Variants in HSD17B4 observed in about 807,000 individuals in gnomAD.
HSD17B4 encodes peroxisomal multifunctional enzyme type 2.
A neutral mutation model predicts 101.0 loss-of-function variants in HSD17B4; 70 were observed. The ratio of observed to expected loss-of-function variants is 0.69; its 90% CI spans 0.57 to 0.85. The LOEUF is 0.85. Ranked by LOEUF, HSD17B4 falls within the 40% of genes least tolerant of loss-of-function variation. The pLI, the probability that HSD17B4 is intolerant of heterozygous loss-of-function variation, is 0.00. For synonymous variants in HSD17B4, 347 were observed against 297.1 expected, an observed-to-expected ratio of 1.17 and a Z score of -1.73; for missense variants, 984 against 892.4, an observed-to-expected ratio of 1.10 and a Z score of -1.31.
intron 8 of HSD17B4, among the ~76,000 whole-genome samples, chr5:119,480,207 AG>A (rs1360194948): frequency 6.6e-6 from 1 of 151,962 alleles, no homozygotes; most frequent in Non-Finnish European, 1.5e-5. Context: ...TTGAATTTTA[AG>A]GGTTCTTTGT....
intron 22 of HSD17B4, 40 bp from the exon 23 acceptor site, chr5:119,536,383 G>C: frequency 1.3e-6 from 2 of 1,598,608 alleles, no homozygotes; most frequent in African/African-American, 1.3e-5. Flanking sequence ...TTTTGTTGGA[G>C]AGAAAAAGAT....
chr5:119,469,877 T>G (rs907813595), intron 2 of HSD17B4, among the ~76,000 whole-genome samples: 1 of 152,200 alleles, frequency 6.6e-6, no homozygotes, highest in Non-Finnish European at 1.5e-5. Context: ...TGTGCCTCAG[T>G]GGCCTTGACT....
rs376221095 is a variant in HSD17B4 at position 119,496,662 on chromosome 5, G to C, written c.972+16G>C. ...ATCAGGATTTGTAAGTGGGAAAAAA[G>C]CCTAAAGCGTTTGCCTTCTCTGGAG... On this transcript the variant is annotated intron_variant, in intron 12 of 23. Transcript: ENST00000510025. 7.8e-6 allele frequency: 11 copies of C among 1,419,056 alleles called. No homozygotes were observed. In the African/African-American group the frequency reaches 1.3e-4, roughly 16 times the overall value. The allele number at this position is 1,419,056 out of a possible 1,614,324, so 87.9% of individuals were successfully genotyped here.
At chr5:119,465,935 G>T (rs750148295) in intron 2 of HSD17B4, among the ~76,000 whole-genome samples, 2 of 152,144 alleles carry the variant, frequency 1.3e-5, no homozygotes, top group Non-Finnish European at 2.9e-5. Context: ...GCTGTTCCCT[G>T]TTGAGTGTGA....
chr5:119,480,534 C>T (rs1749023648), intron 8 of HSD17B4, among the ~76,000 whole-genome samples: 1 of 152,110 alleles, frequency 6.6e-6, no homozygotes, highest in Non-Finnish European at 1.5e-5. Flanking sequence ...AAGTACTTAA[C>T]AGGGTAATAG....
At chr5:119,525,152 A>C in intron 17 of HSD17B4, 64 bp from the exon 18 acceptor site, 2 of 1,100,528 alleles carry the variant, frequency 1.8e-6, no homozygotes. Flanking sequence ...CATGTTTCCT[A>C]TTTTTCATTT....
intron 18 of HSD17B4, 152 bp from the exon 19 acceptor site, chr5:119,525,765 T>A: frequency 1.7e-6 from 1 of 588,830 alleles, no homozygotes; most frequent in South Asian, 2.1e-5. Context: ...CAGGAAATAC[T>A]CTTTAAAAAA....
rs1750683999 is a variant in HSD17B4, at chr5:119,496,713, G to A, written c.972+67G>A. 4 of 848,178 alleles carry A rather than the reference G, an allele frequency of 4.7e-6. No individual in the cohort carries two copies. In the East Asian group the frequency reaches 9.7e-5, roughly 20 times the overall value. 52.5% of individuals were successfully genotyped at this position (848,178 alleles called of 1,614,324 possible). A position where few individuals can be genotyped will look rare whatever the true frequency, so the allele number is the denominator to read the frequency against. On this transcript the variant is annotated intron_variant, in intron 12 of 23. Transcript: ENST00000510025. The stretch of plus-strand genomic sequence containing the variant: ...ACTTTCCCTCCCTTCTTCCCTCCCT[G>A]CTTTCTTCCTCCCCTACTTCTTTCT...
At chr5:119,473,720 T>C (rs1748266078) in intron 2 of HSD17B4, among the ~76,000 whole-genome samples, 188 bp from the exon 3 acceptor site, 1 of 152,170 alleles carries the variant, frequency 6.6e-6, no homozygotes, top group South Asian at 2.1e-4. Flanking sequence ...ATGTCTGTAT[T>C]CAAAAATGAA....
Position 119,541,910 on chromosome 5 carries a change from C to G in HSD17B4, c.2127C>G (p.Phe709Leu), listed in dbSNP as rs541911825. The G allele has an allele frequency of 1.9e-6, 3 of 1,607,376 alleles. No homozygotes were observed. In the South Asian group the frequency reaches 3.3e-5, roughly 18 times the overall value. Residue 709 changes from phenylalanine to leucine, a missense_variant, in exon 24 of 24, where the codon TTC becomes TTG. Phe to Leu is a conservative substitution (Grantham distance 22). Transcript: ENST00000510025. ...TTTCCCTCCTCTCCTTGCAGGCATT[C>G]TTTAGTGGCAGGCTGAAGGCCAGAG... ...VLGKLDPQKAFFSGRLKARGN... is the reference protein window; with the variant it reads ...VLGKLDPQKALFSGRLKARGN...
intron 20 of HSD17B4, among the ~76,000 whole-genome samples, chr5:119,529,355 C>G (rs889933554): frequency 1.3e-5 from 2 of 152,130 alleles, no homozygotes; most frequent in African/African-American, 4.8e-5. Context: ...TACACTTCCT[C>G]TTGAAATAAG....
At chr5:119,489,161 TGATAA>T in intron 8 of HSD17B4, 26 bp from the exon 9 acceptor site, 1 of 1,352,124 alleles carries the variant, frequency 7.4e-7, no homozygotes, top group Non-Finnish European at 1.1e-6. Flanking sequence ...GTAAAATGAT[TGATAA>T]GATATGTGTA....
At chr5:119,531,128 G>T in intron 21 of HSD17B4, 138 bp from the exon 22 acceptor site, 2 of 767,314 alleles carry the variant, frequency 2.6e-6, no homozygotes, top group South Asian at 1.6e-5. Flanking sequence ...AAGAAAGTAT[G>T]AAAGACACAT....
At chr5:119,482,199 C>CT (rs1167183704) in intron 8 of HSD17B4, among the ~76,000 whole-genome samples, 41 of 152,160 alleles carry the variant, frequency 2.7e-4, no homozygotes, top group Non-Finnish European at 4.4e-4. Context: ...TTTTCTCATT[C>CT]TTTTTTTGCG....
At chr5:119,513,131 G>T (rs544708917) in intron 16 of HSD17B4, among the ~76,000 whole-genome samples, 1 of 152,154 alleles carries the variant, frequency 6.6e-6, no homozygotes, top group Non-Finnish European at 1.5e-5. Flanking sequence ...TATTATTTAC[G>T]TGAAGTTGTA....
intron 23 of HSD17B4, among the ~76,000 whole-genome samples, chr5:119,537,415 A>G (rs1473715070): frequency 6.6e-6 from 1 of 152,150 alleles, no homozygotes; most frequent in Non-Finnish European, 1.5e-5. Flanking sequence ...TATTATAAGA[A>G]CTAAACCCAA....
chr5:119,538,255 G>C (rs531880655), intron 23 of HSD17B4, among the ~76,000 whole-genome samples: 1 of 152,162 alleles, frequency 6.6e-6, no homozygotes, highest in East Asian at 1.9e-4. Flanking sequence ...CTGCCCTTCT[G>C]TATCCTTTCC....
intron 23 of HSD17B4, among the ~76,000 whole-genome samples, chr5:119,541,101 G>A (rs1754951969): frequency 6.6e-6 from 1 of 152,092 alleles, no homozygotes; most frequent in African/African-American, 2.4e-5. Context: ...TTTACTGATA[G>A]GGAATTTACA....
chr5:119,463,063 G>T (rs1025473282), intron 2 of HSD17B4, among the ~76,000 whole-genome samples: 1 of 152,118 alleles, frequency 6.6e-6, no homozygotes, highest in African/African-American at 2.4e-5. Context: ...ACTTCTGTGA[G>T]ATCAACTTAT....
Sources: gnomAD v4.1 joint callset for allele counts (sites outside exome capture counted in the v4.1 genomes callset) on GRCh38, gnomAD v4.1.1 for gene constraint, MANE v1.5 for transcripts, NCBI Gene and HGNC (gene_info 2026-07-23, HGNC 2026-07-21) for gene names.